The following ABR variants were observed in gnomAD, a reference collection of about 807,000 sequenced individuals.
The protein encoded by ABR is active breakpoint cluster region-related protein.
In ABR, 35 loss-of-function variants were observed where a neutral mutation model predicts 107.2. That is an observed-to-expected ratio of 0.33 (90% CI 0.25 to 0.43). The LOEUF (loss-of-function observed/expected upper bound fraction) is 0.43. ABR is among the 20% of genes least tolerant of loss of function. The pLI, the probability that ABR is intolerant of heterozygous loss-of-function variation, is 1.00. For missense variants in ABR, 815 were observed against 1,115.2 expected (o/e 0.73, Z 3.83); for synonymous variants, 498 against 462.0 (o/e 1.08, Z -1.00).
At chr17:1,156,172 G>A (rs1273951609) in intron 1 of ABR, 1 of 152,244 alleles carries the variant, frequency 6.6e-6, no homozygotes, top group Non-Finnish European at 1.5e-5. Context: ...GGGCAGACGG[G>A]TATCTAAGGG....
At position 1,148,697 on chromosome 17, in the gene ABR, G is replaced by A. The variant is rs867045559; in HGVS notation, c.62-23330C>T. The stretch of plus-strand genomic sequence containing the variant: ...AGCGCTCCCCACCCTTCCCCGGTCC[G>A]TGGAAAAAGTGTCTTCCACGAAGCC... On this transcript the variant is annotated intron_variant, in intron 1 of 22. Transcript: ENST00000302538. The surrounding 1 kb of genome is among the most constrained non-coding windows in gnomAD (Gnocchi z 4.9). 3.3e-5 allele frequency among the ~76,000 whole-genome samples: 5 copies of A among 152,314 alleles called. No homozygotes were observed. The South Asian group carries it at 6.2e-4, about 19-fold the overall frequency.
At chr17:1,069,723 C>A (rs1031603408) in intron 9 of ABR, among the ~76,000 whole-genome samples, 1 of 151,898 alleles carries the variant, frequency 6.6e-6, no homozygotes, top group Non-Finnish European at 1.5e-5. Flanking sequence ...TGGCAGGGTC[C>A]GGCCTCCCTC....
At chr17:1,034,477 C>A (rs1310945094) in intron 16 of ABR, among the ~76,000 whole-genome samples, 2 of 152,210 alleles carry the variant, frequency 1.3e-5, no homozygotes, top group East Asian at 3.9e-4. Flanking sequence ...AAAACCCGCA[C>A]AAAATCCCAT....
In ABR at chr17:1,067,209, G is replaced by T. The variant is rs764887272; in HGVS notation, c.1050C>A (p.Ile350=). The T allele has an allele frequency of 9.9e-6, 16 of 1,609,808 alleles. No individual in the cohort carries two copies. The South Asian group carries it at 1.2e-4, about 12-fold the overall frequency. The change falls in exon 10 of 23, where the codon ATC becomes ATA. Residue 350 remains isoleucine (I), a synonymous_variant. Coordinates refer to ENST00000302538, the MANE Select transcript of ABR (RefSeq NM_021962.5). Reference sequence around the variant, plus strand: ...ATGGAAACACCAGGTCGGCCAGGGGGATGTACCACTTACAGTCATACTGCT... The same window carrying T: ...ATGGAAACACCAGGTCGGCCAGGGGTATGTACCACTTACAGTCATACTGCT... ...KHQQYDCKWY[I]PLADLVFPSP...
upstream of ABR, among the ~76,000 whole-genome samples, chr17:1,189,010 C>T (rs2042375021): frequency 6.6e-6 from 1 of 152,178 alleles, no homozygotes; most frequent in Admixed American, 6.5e-5. Context: ...TCCTAATTTC[C>T]TCTTCCCCAA....
intron 1 of ABR, among the ~76,000 whole-genome samples, chr17:1,217,929 A>G (rs985230568): frequency 2.0e-5 from 3 of 152,180 alleles, no homozygotes; most frequent in Non-Finnish European, 4.4e-5. Flanking sequence ...TCCTGACCTC[A>G]GGTGATCCGC....
At position 1,005,153 on chromosome 17, in the gene ABR, T is replaced by TC. The variant is rs1474514276; in HGVS notation, c.*926dup. ...TTTCCTCAGCAGCCTGACCGCCTCC[T>TC]CCCCCATTCTCTCCTGACCCTCTGG... On this transcript the variant is annotated 3_prime_UTR_variant, in exon 23 of 23. Coordinates refer to ENST00000302538, the MANE Select transcript of ABR (RefSeq NM_021962.5). 2 of 398,490 alleles carry TC rather than the reference T, an allele frequency of 5.0e-6. No homozygotes were observed. Among genetic ancestry groups the TC allele is most frequent in the Non-Finnish European group, 8.8e-6 (2 of 226,168 alleles). The allele number at this position is 398,490 out of a possible 1,614,324, so 24.7% of individuals were successfully genotyped here.
chr17:1,215,364 G>C (rs950392851), intron 1 of ABR, among the ~76,000 whole-genome samples: 7 of 152,110 alleles, frequency 4.6e-5, no homozygotes, highest in East Asian at 3.9e-4. Flanking sequence ...TCAGCCTGCC[G>C]AGTGCCTGCG....
At chr17:1,176,662 A>G (rs2151617905) in intron 1 of ABR, among the ~76,000 whole-genome samples, 1 of 152,226 alleles carries the variant, frequency 6.6e-6, no homozygotes, top group East Asian at 1.9e-4. Context: ...CCTGACCAAT[A>G]TGGTGAAACC....
intron 1 of ABR, among the ~76,000 whole-genome samples, chr17:1,215,549 T>C (rs1387776346): frequency 2.0e-4 from 30 of 152,264 alleles, no homozygotes; most frequent in African/African-American, 6.0e-4. Flanking sequence ...TGCTCAATGG[T>C]GCCCAGGCTG....
chr17:1,227,281 C>G (rs775338236), intron 1 of ABR, among the ~76,000 whole-genome samples: 38 of 152,220 alleles, frequency 2.5e-4, no homozygotes, highest in Admixed American at 1.0e-3. Context: ...CTGGGCACCC[C>G]GGGGAGGGTG....
At position 1,078,215 on chromosome 17, in the gene ABR, G is replaced by C. The variant is rs1342209115; in HGVS notation, c.700+1115C>G. ...ACAGTTGAGGGCCCAGACCTCGGCT[G>C]GGGGTCTCTCACGGCTGGAAACAAA... On this transcript the variant is annotated intron_variant, in intron 6 of 22. Transcript: ENST00000302538. The surrounding 1 kb of genome is among the most constrained non-coding windows in gnomAD (Gnocchi z 7.5). Among the ~76,000 whole-genome samples the C allele has an allele frequency of 6.6e-6, 1 of 152,020 alleles. No individual in the cohort carries two copies. Among genetic ancestry groups the C allele is most frequent in the African/African-American group, 2.4e-5 (1 of 41,386 alleles).
chr17:1,165,824 T>C (rs2041480337), intron 1 of ABR, among the ~76,000 whole-genome samples: 1 of 152,168 alleles, frequency 6.6e-6, no homozygotes, highest in African/African-American at 2.4e-5. Flanking sequence ...TGGGCCACCA[T>C]GTCCAGCCCC....
At chr17:1,045,520 G>A (rs1480248958) in intron 16 of ABR, among the ~76,000 whole-genome samples, 1 of 152,266 alleles carries the variant, frequency 6.6e-6, no homozygotes, top group Non-Finnish European at 1.5e-5. Context: ...ATCTAGAAAT[G>A]GGCTCTGCAG....
intron 2 of ABR, among the ~76,000 whole-genome samples, chr17:1,112,823 C>G (rs1182568834): frequency 6.6e-6 from 1 of 152,172 alleles, no homozygotes; most frequent in African/African-American, 2.4e-5. Flanking sequence ...CAATGGTTGA[C>G]TCCCCACAGT....
At position 1,090,756 on chromosome 17, in the gene ABR, C is replaced by T. The variant is rs1043785832; in HGVS notation, c.531+909G>A. On this transcript the variant is annotated intron_variant, in intron 4 of 22. Transcript: ENST00000302538. ...CAGGGGAGGGGAGGAGGCCTCCAGCCTCTCACACCCAGAGAACAGGGCAGG... is the reference window on the plus strand; with the variant it reads ...CAGGGGAGGGGAGGAGGCCTCCAGCTTCTCACACCCAGAGAACAGGGCAGG... Among the ~76,000 whole-genome samples the T allele has an allele frequency of 2.6e-5, 4 of 152,350 alleles. No homozygotes were observed. The South Asian group carries it at 8.3e-4, about 32-fold the overall frequency.
chr17:1,176,336 G>A (rs1483135594), intron 1 of ABR, among the ~76,000 whole-genome samples: 7 of 152,168 alleles, frequency 4.6e-5, no homozygotes, highest in East Asian at 1.9e-4. Flanking sequence ...AGAGAATGGC[G>A]TCCCCCATTC....
At chr17:1,035,379 A>T (rs190111113) in intron 16 of ABR, among the ~76,000 whole-genome samples, 1 of 15,090 alleles carries the variant, frequency 6.6e-5, no homozygotes, top group Non-Finnish European at 1.3e-4. Flanking sequence ...CTGCTCCCCC[A>T]CCCCTTCCAT....
intron 16 of ABR, among the ~76,000 whole-genome samples, chr17:1,047,876 G>A (rs554308961): frequency 3.3e-4 from 51 of 152,338 alleles, no homozygotes; most frequent in Non-Finnish European, 5.1e-4. Context: ...GTGGGGGAAT[G>A]TGCCCTCGGG....
Sources: allele counts gnomAD v4.1 joint callset (sites outside exome capture counted in the v4.1 genomes callset), GRCh38; gene constraint gnomAD v4.1.1; non-coding constraint Gnocchi (gnomAD v3.1); transcripts MANE v1.5; gene names NCBI Gene and HGNC (gene_info 2026-07-23, HGNC 2026-07-21).